Variants in BBX observed in about 807,000 individuals in gnomAD.
BBX encodes the protein HMG box transcription factor BBX.
BBX carries 30 observed loss-of-function variants against 100.2 expected under a neutral mutation model. That is an observed-to-expected ratio of 0.30 (90% confidence interval 0.22 to 0.41). The LOEUF (loss-of-function observed/expected upper bound fraction) is 0.41. Among genes scored for constraint, BBX ranks in the 10% least tolerant of loss-of-function variants. The pLI, the probability that BBX is intolerant of heterozygous loss-of-function variation, is 1.00. For synonymous variants in BBX, 376 were observed against 388.1 expected (o/e 0.97, Z 0.37); for missense variants, 1,023 against 1,129.8 (o/e 0.91, Z 1.35).
chr3:107,682,685 T>G (rs535146741), intron 3 of BBX, among the ~76,000 whole-genome samples: 1 of 152,304 alleles, frequency 6.6e-6, no homozygotes, highest in South Asian at 2.1e-4. Flanking sequence ...TTTATTCCCA[T>G]GTATGTAGTC....
intron 2 of BBX, among the ~76,000 whole-genome samples, chr3:107,591,645 G>A (rs551241964): frequency 5.3e-4 from 81 of 152,218 alleles, no homozygotes; most frequent in Non-Finnish European, 8.5e-4. Context: ...GCGCCAGTAC[G>A]CCTGGCTAAT....
intron 14 of BBX, among the ~76,000 whole-genome samples, chr3:107,790,598 A>C (rs2068911918): frequency 6.6e-6 from 1 of 152,202 alleles, no homozygotes; most frequent in Admixed American, 6.5e-5. Flanking sequence ...CATAAAAGAT[A>C]AATCTTCCCA....
chr3:107,658,521 G>A (rs2058266638), intron 3 of BBX, among the ~76,000 whole-genome samples: 1 of 152,046 alleles, frequency 6.6e-6, no homozygotes. Flanking sequence ...TTTTAATAAA[G>A]ATCCTTTAGA....
intron 17 of BBX, among the ~76,000 whole-genome samples, chr3:107,804,023 T>A (rs1454712848): frequency 8.6e-5 from 13 of 151,944 alleles, no homozygotes; most frequent in Admixed American, 8.5e-4. Context: ...AAGTAAAAAG[T>A]AGCATTTTAA....
chr3:107,702,352 C>T (rs1406935940), intron 3 of BBX, among the ~76,000 whole-genome samples: 2 of 152,206 alleles, frequency 1.3e-5, no homozygotes, highest in African/African-American at 4.8e-5. Context: ...GTATTTATTA[C>T]ATTGCCTTGT....
chr3:107,602,100 A>G (rs1043905332), intron 2 of BBX, among the ~76,000 whole-genome samples: 2 of 152,220 alleles, frequency 1.3e-5, no homozygotes, highest in Admixed American at 6.5e-5. Context: ...GAATATTTCA[A>G]GCCCACTGTT....
intron 2 of BBX, among the ~76,000 whole-genome samples, chr3:107,563,896 T>A (rs779383029): frequency 6.6e-6 from 1 of 152,190 alleles, no homozygotes; most frequent in Non-Finnish European, 1.5e-5. Context: ...TCAATCTTAA[T>A]GTTTTGCCAG....
At chr3:107,670,952 A>G (rs2058990844) in intron 3 of BBX, among the ~76,000 whole-genome samples, 1 of 152,052 alleles carries the variant, frequency 6.6e-6, no homozygotes, top group Non-Finnish European at 1.5e-5. Context: ...CCTAAAAACA[A>G]TTTTAAAAAA....
At chr3:107,677,236 T>C (rs957108809) in intron 3 of BBX, among the ~76,000 whole-genome samples, 9 of 152,270 alleles carry the variant, frequency 5.9e-5, no homozygotes, top group Admixed American at 3.9e-4. Flanking sequence ...CATAGAAAAC[T>C]GGTCCCCTGC....
intron 7 of BBX, among the ~76,000 whole-genome samples, chr3:107,741,006 C>T (rs1424641135): frequency 6.7e-6 from 1 of 149,562 alleles, no homozygotes; most frequent in Non-Finnish European, 1.5e-5. Flanking sequence ...TTGAAAGTAG[C>T]AGTCTTTGTG....
chr3:107,618,761 T>G (rs953474774), intron 2 of BBX, among the ~76,000 whole-genome samples: 4 of 152,066 alleles, frequency 2.6e-5, no homozygotes, highest in Non-Finnish European at 5.9e-5. Context: ...GGGGAGCCAC[T>G]CTGTATGACT....
chr3:107,720,701 T>C (rs2062466979), intron 5 of BBX, among the ~76,000 whole-genome samples: 1 of 151,932 alleles, frequency 6.6e-6, no homozygotes, highest in South Asian at 2.1e-4. Context: ...CCTTTGAAAG[T>C]GTTGGTATCT....
At chr3:107,721,811 C>G (rs2062560680) in intron 5 of BBX, among the ~76,000 whole-genome samples, 1 of 151,822 alleles carries the variant, frequency 6.6e-6, no homozygotes, top group South Asian at 2.1e-4. Flanking sequence ...TGTAAAATGG[C>G]AATTAAGATG....
chr3:107,745,976 A>G (rs1263095918), intron 8 of BBX, among the ~76,000 whole-genome samples: 1 of 152,094 alleles, frequency 6.6e-6, no homozygotes, highest in Non-Finnish European at 1.5e-5. Flanking sequence ...GCTTTTATAT[A>G]AAAGGTCTCT....
At chr3:107,743,589 TGACATTGTTAGA>T (rs2064295470) in intron 7 of BBX, among the ~76,000 whole-genome samples, 1 of 152,216 alleles carries the variant, frequency 6.6e-6, no homozygotes, top group Non-Finnish European at 1.5e-5. Flanking sequence ...CAGTGGCCTG[TGACATTGTTAGA>T]GAAACACGTC....
rs1343995233 is a variant in BBX, at chr3:107,809,911, G to A, written c.*4454G>A. On this transcript the variant is annotated 3_prime_UTR_variant, in exon 18 of 18. Transcript: ENST00000325805. ...TTTTAAAAATTATCTTATTTAGATT[G>A]ACTAACAGCATACTTACAATTTTAA... 1 of 152,148 alleles carries A rather than the reference G, an allele frequency of 6.6e-6. No homozygotes were observed. The highest frequency in any genetic ancestry group is 1.5e-5 in the Non-Finnish European group (1 of 68,024). The allele number at this position is 152,148 out of a possible 1,614,324, so 9.4% of individuals were successfully genotyped here.
chr3:107,599,989 A>C (rs1443120727), intron 2 of BBX, among the ~76,000 whole-genome samples: 2 of 152,248 alleles, frequency 1.3e-5, no homozygotes, highest in African/African-American at 4.8e-5. Context: ...GACAGATGGC[A>C]AAAGTAAAAG....
At chr3:107,733,999 T>C (rs1329714627) in intron 7 of BBX, among the ~76,000 whole-genome samples, 1 of 152,184 alleles carries the variant, frequency 6.6e-6, no homozygotes, top group Non-Finnish European at 1.5e-5. Context: ...ACTCAGGTTT[T>C]TGAGATGGAA....
intron 3 of BBX, among the ~76,000 whole-genome samples, chr3:107,702,610 G>A (rs1366804095): frequency 1.3e-5 from 2 of 152,082 alleles, no homozygotes; most frequent in Admixed American, 6.5e-5. Flanking sequence ...AAAGCATCTG[G>A]CATGTTCATT....
Sources: gnomAD v4.1 joint callset for allele counts (sites outside exome capture counted in the v4.1 genomes callset) on GRCh38, gnomAD v4.1.1 for gene constraint, MANE v1.5 for transcripts, NCBI Gene and HGNC (gene_info 2026-07-23, HGNC 2026-07-21) for gene names.